Variants in XIRP2 observed in about 807,000 individuals in gnomAD.
XIRP2 encodes xin actin binding repeat containing 2, also known as xin actin-binding repeat-containing protein 2.
XIRP2 carries 236 observed loss-of-function variants against 277.0 expected under a neutral mutation model. That is an observed-to-expected ratio of 0.85 (90% CI 0.77 to 0.95). The LOEUF (loss-of-function observed/expected upper bound fraction) is 0.95, where lower values mean the gene tolerates loss of function less well. XIRP2 is among the 40% of genes least tolerant of loss of function. XIRP2 has a pLI of 0.00. For missense variants in XIRP2, 4,640 were observed against 4,157.5 expected, an observed-to-expected ratio of 1.12 and a Z score of -3.19; for synonymous variants, 1,490 against 1,416.5, an observed-to-expected ratio of 1.05 and a Z score of -1.17.
Position 167,247,540 on chromosome 2 carries a change from C to T in XIRP2, c.6148C>T (p.His2050Tyr), listed in dbSNP as rs1347505436. 6.2e-7 allele frequency: 1 copy of T among 1,613,578 alleles called. No individual in the cohort carries two copies. Among genetic ancestry groups the T allele is most frequent in the African/African-American group, 1.3e-5 (1 of 74,868 alleles). ...AAGCCTTAGAAGACTATCTAATTCACACCATAAATCTAATGTTTTGGAATC... is the reference window on the plus strand; with the variant it reads ...AAGCCTTAGAAGACTATCTAATTCATACCATAAATCTAATGTTTTGGAATC... Reference protein sequence around the residue: ...EKSLRRLSNSHHKSNVLESGD... With the variant: ...EKSLRRLSNSYHKSNVLESGD... Residue 2050 changes from histidine (H) to tyrosine (Y), a missense_variant, in exon 9 of 11, where the codon CAC becomes TAC. His to Tyr is a moderately conservative substitution (Grantham distance 83). Coordinates refer to ENST00000409195, the MANE Select transcript of XIRP2 (RefSeq NM_152381.6).
intron 3 of XIRP2, among the ~76,000 whole-genome samples, chr2:167,152,472 G>A (rs73017969): frequency 2.0e-5 from 3 of 151,920 alleles, no homozygotes; most frequent in Admixed American, 6.6e-5. Context: ...TATAAAGTCC[G>A]CTGTGACACA....
At position 167,054,332 on chromosome 2, in the gene XIRP2, C is replaced by T. The variant is rs1688990796; in HGVS notation, c.409-81577C>T. Among the ~76,000 whole-genome samples the T allele has an allele frequency of 2.0e-5, 3 of 152,226 alleles. No individual in the cohort carries two copies. The South Asian group carries it at 6.2e-4, about 32-fold the overall frequency. ...AAAGCATCTTTGCTGAACACTTTAT[C>T]AAAACAACTATTAGATAATGAAACT... On this transcript the variant is annotated intron_variant, in intron 2 of 10. Transcript: ENST00000409195.
At chr2:167,155,440 A>G (rs1207260228) in intron 3 of XIRP2, among the ~76,000 whole-genome samples, 1 of 152,146 alleles carries the variant, frequency 6.6e-6, no homozygotes, top group African/African-American at 2.4e-5. Flanking sequence ...GGCTGGTTCA[A>G]TATATGCAAA....
In XIRP2 at chr2:167,114,995, T is replaced by C. The variant is rs539244853; in HGVS notation, c.409-20914T>C. Reference sequence around the variant, plus strand: ...TGTCTGGGTCAAATGGTATTTCTAGTTCTAGATCCCTGAGGAATCGCCACA... The same window carrying C: ...TGTCTGGGTCAAATGGTATTTCTAGCTCTAGATCCCTGAGGAATCGCCACA... On this transcript the variant is annotated intron_variant, in intron 2 of 10. Transcript: ENST00000409195. 2.6e-5 allele frequency among the ~76,000 whole-genome samples: 4 copies of C among 152,272 alleles called. No homozygotes were observed. The South Asian group carries it at 8.3e-4, about 32-fold the overall frequency.
rs370668430 is a variant in XIRP2 at position 166,988,023 on chromosome 2, A to G, written c.408+84133A>G. Among the ~76,000 whole-genome samples, 4 of 152,348 alleles carry G rather than the reference A, an allele frequency of 2.6e-5. No individual in the cohort carries two copies. In the East Asian group the frequency reaches 5.8e-4, roughly 22 times the overall value. On this transcript the variant is annotated intron_variant, in intron 2 of 10. Transcript: ENST00000409195. ...GCAAACTCCAGAGCAATTGGGGCAG[A>G]AAAGAGACACTGATGTATTTAACAT...
intron 2 of XIRP2, among the ~76,000 whole-genome samples, chr2:166,912,112 C>T (rs1558913236): frequency 6.6e-6 from 1 of 152,126 alleles, no homozygotes; most frequent in African/African-American, 2.4e-5. Flanking sequence ...CGAGGAGTAT[C>T]TTTGTGGCAT....
At chr2:167,084,587 G>A (rs1689865146) in intron 2 of XIRP2, among the ~76,000 whole-genome samples, 3 of 151,716 alleles carry the variant, frequency 2.0e-5, no homozygotes, top group Admixed American at 1.3e-4. Context: ...CTTTTTGGTT[G>A]GTAAGCTATT....
chr2:167,146,394 G>C (rs1691865686), intron 3 of XIRP2, among the ~76,000 whole-genome samples: 1 of 151,854 alleles, frequency 6.6e-6, no homozygotes, highest in African/African-American at 2.4e-5. Flanking sequence ...CCAGCTACTT[G>C]GAATGCTGAG....
chr2:167,071,524 C>T (rs761754507), intron 2 of XIRP2, among the ~76,000 whole-genome samples: 11 of 152,106 alleles, frequency 7.2e-5, no homozygotes, highest in Non-Finnish European at 1.3e-4. Context: ...GGAGCAAACT[C>T]GTAGGAGAAG....
chr2:167,156,855 G>A (rs1188075400), intron 3 of XIRP2, among the ~76,000 whole-genome samples: 1 of 152,138 alleles, frequency 6.6e-6, no homozygotes, highest in Non-Finnish European at 1.5e-5. Flanking sequence ...TGGCTTTTTA[G>A]TCAGTTAAAA....
chr2:167,106,811 A>G (rs528353109), intron 2 of XIRP2, among the ~76,000 whole-genome samples: 1 of 151,682 alleles, frequency 6.6e-6, no homozygotes, highest in Admixed American at 6.6e-5. Context: ...CCCTGAACAC[A>G]GTATTTCTCT....
chr2:167,151,104 T>C (rs1558998022), intron 3 of XIRP2, among the ~76,000 whole-genome samples: 1 of 152,096 alleles, frequency 6.6e-6, no homozygotes, highest in Admixed American at 6.6e-5. Flanking sequence ...TCTAGATTCT[T>C]CTACAGGTTT....
At chr2:166,929,837 G>T (rs1247708485) in intron 2 of XIRP2, among the ~76,000 whole-genome samples, 1 of 152,082 alleles carries the variant, frequency 6.6e-6, no homozygotes, top group Non-Finnish European at 1.5e-5. Flanking sequence ...AGTTATTTAA[G>T]AAATCTGCAT....
intron 2 of XIRP2, among the ~76,000 whole-genome samples, chr2:167,095,108 CT>C (rs1387397566): frequency 1.3e-5 from 2 of 151,966 alleles, no homozygotes; most frequent in African/African-American, 4.8e-5. Flanking sequence ...CATGATTTGG[CT>C]TTGTTTGTCT....
chr2:167,193,879 CAAAAAAAAAAA>C (rs767047580), intron 3 of XIRP2, among the ~76,000 whole-genome samples: 1 of 71,798 alleles, frequency 1.4e-5, no homozygotes, highest in Non-Finnish European at 2.8e-5. Flanking sequence ...GACTCTGTCT[CAAAAAAAAAAA>C]AAAAAAAAAA....
chr2:167,066,522 G>A (rs1689306275), intron 2 of XIRP2, among the ~76,000 whole-genome samples: 1 of 152,032 alleles, frequency 6.6e-6, no homozygotes, highest in Non-Finnish European at 1.5e-5. Flanking sequence ...ACTGCTGGTG[G>A]AAATGAAAAC....
Position 167,175,230 on chromosome 2 carries a change from A to G in XIRP2, c.563-35505A>G, listed in dbSNP as rs186773779. On this transcript the variant is annotated intron_variant, in intron 3 of 10. Transcript: ENST00000409195. ...TGTGGGAGAACTTACTTTAGAACTT[A>G]CTTTATGAATCTGGGTGCTCCTGTA... Among the ~76,000 whole-genome samples, 124 of 152,174 alleles carry G rather than the reference A, an allele frequency of 8.1e-4. 1 individual carries two copies. Among genetic ancestry groups the G allele is most frequent in the African/African-American group, 2.8e-3 (115 of 41,522 alleles).
chr2:167,221,866 G>C (rs1013277343), intron 5 of XIRP2, among the ~76,000 whole-genome samples: 1 of 152,082 alleles, frequency 6.6e-6, no homozygotes, highest in Non-Finnish European at 1.5e-5. Context: ...AGTTTAATTA[G>C]AGTTAAAAGA....
At chr2:167,109,485 T>C (rs111278683) in intron 2 of XIRP2, among the ~76,000 whole-genome samples, 4,622 of 152,278 alleles carry the variant, frequency 0.03, 77 homozygotes, top group East Asian at 0.049. Flanking sequence ...TTCTCCATGT[T>C]GGCCAAGCTG....
Sources: gnomAD v4.1 joint callset for allele counts (sites outside exome capture counted in the v4.1 genomes callset) on GRCh38, gnomAD v4.1.1 for gene constraint, MANE v1.5 for transcripts, NCBI Gene and HGNC (gene_info 2026-07-23, HGNC 2026-07-21) for gene names.